Variants in NCALD observed in about 807,000 individuals in gnomAD.
The protein encoded by NCALD is neurocalcin-delta.
Under a neutral mutation model 18.6 loss-of-function variants are expected in NCALD, and 10 were observed. That is an observed-to-expected ratio of 0.54 (90% CI 0.33 to 0.91). The LOEUF (loss-of-function observed/expected upper bound fraction) is 0.91. Among genes scored for constraint, NCALD ranks in the 40% least tolerant of loss-of-function variants. The pLI is 0.03. For missense variants in NCALD, 184 were observed against 247.6 expected (o/e 0.74, Z 1.72); for synonymous variants, 88 against 87.4 (o/e 1.01, Z -0.04).
intron 4 of NCALD, among the ~76,000 whole-genome samples, chr8:101,885,864 T>C (rs1477691749): frequency 6.6e-6 from 1 of 152,234 alleles, no homozygotes. Context: ...CACATTTTCC[T>C]ATTAGGCTTT....
rs1823433040 is a variant in NCALD, at chr8:102,050,897, TTTAA to T, written c.-209-30612_-209-30609del. Among the ~76,000 whole-genome samples, 3 of 146,988 alleles carry T rather than the reference TTTAA, an allele frequency of 2.0e-5. No homozygotes were observed. In the South Asian group the frequency reaches 6.3e-4, roughly 31 times the overall value. On this transcript the variant is annotated intron_variant, in intron 1 of 6. Transcript: ENST00000311028. The stretch of plus-strand genomic sequence containing the variant: ...TTAATTTAATTGATTATTAATTTAA[TTTAA>T]TTTTATATATAAGTATATAATTTAT...
chr8:101,964,636 A>G (rs1819955962), intron 2 of NCALD, among the ~76,000 whole-genome samples: 1 of 152,208 alleles, frequency 6.6e-6, no homozygotes, highest in African/African-American at 2.4e-5. Context: ...TGTAACCAGA[A>G]GGAAGAGGAT....
At position 102,117,266 on chromosome 8, in the gene NCALD, C is replaced by T. The variant is rs146643996; in HGVS notation, c.-210+6971G>A. Among the ~76,000 whole-genome samples, 374 of 152,320 alleles carry T rather than the reference C, an allele frequency of 2.5e-3. 4 individuals carry two copies. Among genetic ancestry groups the T allele is most frequent in the African/African-American group, 8.2e-3 (341 of 41,560 alleles). On this transcript the variant is annotated intron_variant, in intron 1 of 6. Coordinates refer to the NCALD transcript ENST00000311028. Reference sequence around the variant, plus strand: ...CCTGTGGCCTCAGCTTCACAATCTCCGGCCAGGGACTATATGAAGCCTTCC... The same window carrying T: ...CCTGTGGCCTCAGCTTCACAATCTCTGGCCAGGGACTATATGAAGCCTTCC...
intron 1 of NCALD, among the ~76,000 whole-genome samples, chr8:102,068,419 C>G (rs538062597): frequency 6.6e-6 from 1 of 152,356 alleles, no homozygotes; most frequent in African/African-American, 2.4e-5. Flanking sequence ...AGGCCACGCT[C>G]TATCCCACCT....
intron 1 of NCALD, among the ~76,000 whole-genome samples, chr8:102,092,698 C>T (rs1824963225): frequency 6.6e-6 from 1 of 152,166 alleles, no homozygotes; most frequent in Non-Finnish European, 1.5e-5. Flanking sequence ...TCCTGGAATG[C>T]CTGGAATTAC....
chr8:102,021,615 C>T (rs186516902), intron 1 of NCALD, among the ~76,000 whole-genome samples: 330 of 152,316 alleles, frequency 2.2e-3, no homozygotes, highest in Non-Finnish European at 4.0e-3. Context: ...AGGCCTCTAG[C>T]CACGCCCTGG....
chr8:101,795,557 C>G (rs748779739), upstream of NCALD, among the ~76,000 whole-genome samples: 5 of 152,070 alleles, frequency 3.3e-5, no homozygotes, highest in Non-Finnish European at 7.4e-5. Context: ...GAAATTTATC[C>G]CATTTATGAG....
chr8:101,755,435 C>T (rs4379418), intron 1 of NCALD, among the ~76,000 whole-genome samples: 94,677 of 151,704 alleles, frequency 0.62, 31,863 homozygotes, highest in Non-Finnish European at 0.75. Flanking sequence ...GCTGTCTTTG[C>T]CTAAAGATGG....
chr8:101,853,083 T>C (rs1373424836), intron 4 of NCALD, among the ~76,000 whole-genome samples: 1 of 152,170 alleles, frequency 6.6e-6, no homozygotes, highest in Non-Finnish European at 1.5e-5. Flanking sequence ...TCACTACCTT[T>C]CATTTCACTT....
intron 1 of NCALD, among the ~76,000 whole-genome samples, chr8:102,074,627 T>C (rs1824282909): frequency 1.3e-5 from 2 of 152,164 alleles, no homozygotes; most frequent in Non-Finnish European, 2.9e-5. Flanking sequence ...TTTATGGCCA[T>C]CAACCCTGAC....
chr8:101,854,106 A>G (rs1316528111), intron 4 of NCALD, among the ~76,000 whole-genome samples: 1 of 152,198 alleles, frequency 6.6e-6, no homozygotes, highest in East Asian at 1.9e-4. Flanking sequence ...TAAAATGTGA[A>G]ACCTTTAGTT....
At chr8:101,969,685 G>A (rs376334950) in intron 2 of NCALD, among the ~76,000 whole-genome samples, 20 of 152,258 alleles carry the variant, frequency 1.3e-4, no homozygotes, top group African/African-American at 4.1e-4. Context: ...ATGAAACTTC[G>A]TCTTGGTAAC....
intron 2 of NCALD, among the ~76,000 whole-genome samples, chr8:101,706,207 C>T (rs1177481964): frequency 6.6e-6 from 1 of 151,788 alleles, no homozygotes; most frequent in Non-Finnish European, 1.5e-5. Flanking sequence ...TTAAAAAATA[C>T]CAAAGAGGCA....
chr8:101,952,917 ACTT>A lies in NCALD; in HGVS notation c.-156-37062_-156-37060del, dbSNP rs778509562. ...GCTGGCTGTCAGAGGCAATAGCAAG[ACTT>A]CTTTTTTTTTTTTAAGAAGTAACAC... On this transcript the variant is annotated intron_variant, in intron 2 of 6. Transcript: ENST00000311028. 4.0e-5 allele frequency among the ~76,000 whole-genome samples: 6 copies of A among 150,292 alleles called. No homozygotes were observed. In the East Asian group the frequency reaches 7.8e-4, roughly 20 times the overall value.
chr8:101,907,607 T>C (rs1054536413), intron 3 of NCALD, among the ~76,000 whole-genome samples: 4 of 152,094 alleles, frequency 2.6e-5, no homozygotes, highest in East Asian at 1.9e-4. Flanking sequence ...GCCTAGTGGC[T>C]AAAGAACTTT....
intron 2 of NCALD, among the ~76,000 whole-genome samples, chr8:101,934,013 C>T (rs544665953): frequency 7.0e-4 from 107 of 152,182 alleles, no homozygotes; most frequent in South Asian, 5.4e-3. Context: ...AAAGTGTGAT[C>T]CAGAGCATAA....
At chr8:102,005,015 C>G (rs778406986) in intron 2 of NCALD, among the ~76,000 whole-genome samples, 94 of 152,236 alleles carry the variant, frequency 6.2e-4, no homozygotes, top group Non-Finnish European at 1.0e-3. Flanking sequence ...GCAGCAAAAG[C>G]CAAAATTGAC....
chr8:101,714,716 G>GCATCATGCTA (rs1270232385), intron 2 of NCALD, among the ~76,000 whole-genome samples: 24 of 151,658 alleles, frequency 1.6e-4, no homozygotes, highest in African/African-American at 5.1e-4. Context: ...AAAGCTGGGG[G>GCATCATGCTA]CCGGGCACGG....
intron 1 of NCALD, among the ~76,000 whole-genome samples, chr8:102,101,400 T>C (rs509726): frequency 1 from 152,348 of 152,372 alleles, 76,162 homozygotes; most frequent in Middle Eastern, 1. Flanking sequence ...AGGCCTCTAG[T>C]GGACTACCTG....
Sources: allele counts gnomAD v4.1 joint callset (sites outside exome capture counted in the v4.1 genomes callset), GRCh38; gene constraint gnomAD v4.1.1; transcripts MANE v1.5; gene names NCBI Gene and HGNC (gene_info 2026-07-23, HGNC 2026-07-21).